The following UTP20 variants were observed in gnomAD, a reference collection of about 807,000 sequenced individuals.
The protein encoded by UTP20 is small subunit processome component 20 homolog.
In UTP20, 164 loss-of-function variants were observed where a neutral mutation model predicts 329.5. That is an observed-to-expected ratio of 0.50 (90% confidence interval 0.44 to 0.57). The LOEUF (loss-of-function observed/expected upper bound fraction) is 0.57. Among genes scored for constraint, UTP20 ranks in the 20% least tolerant of loss-of-function variants. The pLI is 0.00. For synonymous variants in UTP20, 1,151 were observed against 1,159.3 expected, an observed-to-expected ratio of 0.99 and a Z score of 0.14; for missense variants, 3,055 against 3,284.2, an observed-to-expected ratio of 0.93 and a Z score of 1.71.
At chr12:101,299,125 A>G (rs940043909) in intron 12 of UTP20, among the ~76,000 whole-genome samples, 1 of 152,334 alleles carries the variant, frequency 6.6e-6, no homozygotes, top group East Asian at 1.9e-4. Flanking sequence ...GCTAACAAGA[A>G]TAGTTAGCCT....
Position 101,317,581 on chromosome 12 carries a change from G to C in UTP20, c.2656G>C (p.Gly886Arg). The stretch of plus-strand genomic sequence containing the variant: ...GGAAATCGAAGAGGAACCTGCCGCA[G>C]GAGATGATGAAGAGTTGGAGGAAGA... ...AEEIEEEPAA[G>R]DDEELEEEAV... Residue 886 changes from glycine to arginine, a missense_variant, in exon 22 of 62, where the codon GGA becomes CGA. Gly to Arg is a moderately radical substitution (Grantham distance 125). Around this residue, in one of 3 missense-constraint regions of UTP20, gnomAD observed 2,445 missense variants for 2,575.5 expected, o/e 0.95. Transcript: ENST00000261637. 6.2e-7 allele frequency: 1 copy of C among 1,614,194 alleles called. No individual in the cohort carries two copies.
chr12:101,337,532 C>G (rs1054725248), intron 29 of UTP20, among the ~76,000 whole-genome samples: 1 of 152,202 alleles, frequency 6.6e-6, no homozygotes, highest in South Asian at 2.1e-4. Flanking sequence ...GGATTCATCC[C>G]TGTCTCCCAA....
intron 25 of UTP20, 138 bp downstream of exon 25, chr12:101,321,767 T>TG: frequency 8.8e-7 from 1 of 1,134,984 alleles, no homozygotes; most frequent in Non-Finnish European, 1.2e-6. Context: ...TCTTTGGAGA[T>TG]GGGGTCTTGC....
chr12:101,369,628 A>G (rs990673114), intron 48 of UTP20, 93 bp from the exon 49 acceptor site: 1 of 688,388 alleles, frequency 1.5e-6, no homozygotes, highest in African/African-American at 1.8e-5. Flanking sequence ...TTTATTCAGC[A>G]CAATCATTTA....
chr12:101,315,234 C>G (rs377738093), intron 21 of UTP20, among the ~76,000 whole-genome samples: 2 of 152,012 alleles, frequency 1.3e-5, no homozygotes, highest in Admixed American at 1.3e-4. Flanking sequence ...ACCTGTAATC[C>G]CAGCACTTTG....
intron 25 of UTP20, among the ~76,000 whole-genome samples, chr12:101,325,484 T>C (rs1455658719): frequency 6.6e-6 from 1 of 152,234 alleles, no homozygotes; most frequent in Non-Finnish European, 1.5e-5. Context: ...CCCTAGCACA[T>C]GAATCAAGAC....
In UTP20 at chr12:101,356,942, T is replaced by A. The variant is rs763477546; in HGVS notation, c.5551T>A (p.Cys1851Ser). ...ATTTTCTAGTATTTTGCTGAAAGTGTGTGCCCTACTCAAGAACAGAGCCCA... is the reference window on the plus strand; with the variant it reads ...ATTTTCTAGTATTTTGCTGAAAGTGAGTGCCCTACTCAAGAACAGAGCCCA... ...ANLPSILLKV[C>S]ALLKNRAQEI... The change falls in exon 43 of 62, where the codon TGT (cysteine) becomes AGT (serine). Residue 1851 changes from cysteine (C) to serine (S), a missense_variant. By Grantham distance (112) the Cys-to-Ser change is moderately radical (BLOSUM62 -1). Around this residue, in one of 3 missense-constraint regions of UTP20, gnomAD observed 2,445 missense variants for 2,575.5 expected, o/e 0.95. Transcript: ENST00000261637. 39 of 1,608,918 alleles carry A rather than the reference T, an allele frequency of 2.4e-5. No homozygotes were observed. In the South Asian group the frequency reaches 3.8e-4, roughly 16 times the overall value.
chr12:101,368,782 G>A (rs745762951), intron 48 of UTP20, among the ~76,000 whole-genome samples: 4 of 152,160 alleles, frequency 2.6e-5, no homozygotes, highest in Admixed American at 2.0e-4. Flanking sequence ...TACAGATCTA[G>A]GCTATGAACC....
chr12:101,373,975 C>T (rs1870386459), intron 54 of UTP20, among the ~76,000 whole-genome samples: 1 of 152,154 alleles, frequency 6.6e-6, no homozygotes, highest in Non-Finnish European at 1.5e-5. Flanking sequence ...GTGGCTCACG[C>T]CTGTAATCCC....
At chr12:101,310,463 G>A (rs1039840789) in intron 19 of UTP20, among the ~76,000 whole-genome samples, 2 of 151,318 alleles carry the variant, frequency 1.3e-5, no homozygotes, top group African/African-American at 2.4e-5. Context: ...TAATGCTAGC[G>A]ACTCAGGAGG....
rs1871785225 is a variant in UTP20 at position 101,281,173 on chromosome 12, G to C, written c.103G>C (p.Asp35His). Residue 35 changes from aspartate to histidine, a missense_variant, in exon 2 of 62, where the codon GAT becomes CAT. By Grantham distance (81) the Asp-to-His change is moderately conservative. This residue lies in a region of UTP20 where 2,445 missense variants were observed against 2,575.5 expected (regional missense o/e 0.95). Coordinates refer to ENST00000261637, the MANE Select transcript of UTP20 (RefSeq NM_014503.3). Reference sequence around the variant, plus strand: ...TAATATTGATATTATTCACCGGATTGATAGAACTGCAAGCTATGAGGAGGT... The same window carrying C: ...TAATATTGATATTATTCACCGGATTCATAGAACTGCAAGCTATGAGGAGGT... ...NVNIDIIHRIDRTASYEEEVE... is the reference protein window; with the variant it reads ...NVNIDIIHRIHRTASYEEEVE... The C allele has an allele frequency of 6.2e-7, 1 of 1,613,326 alleles. No homozygotes were observed. The highest frequency in any genetic ancestry group is 8.5e-7 in the Non-Finnish European group (1 of 1,179,664).
intron 15 of UTP20, among the ~76,000 whole-genome samples, chr12:101,304,199 A>G (rs1872596393): frequency 1.3e-5 from 2 of 152,174 alleles, no homozygotes; most frequent in Non-Finnish European, 2.9e-5. Context: ...TCTCTTTGCT[A>G]TGCTAGTAGA....
chr12:101,338,980 A>G (rs766149257), intron 31 of UTP20, 23 bp downstream of exon 31: 85 of 1,561,720 alleles, frequency 5.4e-5, no homozygotes, highest in South Asian at 5.1e-4. Flanking sequence ...TTGATACTTA[A>G]AAGATAACAT....
intron 14 of UTP20, among the ~76,000 whole-genome samples, chr12:101,300,350 C>T (rs1176508589): frequency 1.3e-5 from 2 of 152,166 alleles, no homozygotes; most frequent in African/African-American, 4.8e-5. Context: ...TTTTTCATCT[C>T]CCACGTACAT....
chr12:101,292,076 A>C lies in UTP20; in HGVS notation c.1145A>C (p.Glu382Ala), dbSNP rs1337455632. ...CTGGGTGAAAATGTTTCCTTGCCGG[A>C]GACCCTCATCAAAGAAACCATAGAA... ...LILGENVSLPETLIKETIEKI... is the reference protein window; with the variant it reads ...LILGENVSLPATLIKETIEKI... The change falls in exon 10 of 62, where the codon GAG becomes GCG. Residue 382 changes from glutamate to alanine, a missense_variant. Glu to Ala is a moderately radical substitution (Grantham distance 107, BLOSUM62 -1). Transcript: ENST00000261637. The C allele has an allele frequency of 6.2e-6, 10 of 1,613,610 alleles. No homozygotes were observed. Among genetic ancestry groups the C allele is most frequent in the Non-Finnish European group, 8.5e-6 (10 of 1,179,944 alleles).
rs747411596 is a variant in UTP20 at position 101,363,655 on chromosome 12, G to A, written c.5870G>A (p.Arg1957Gln). 12 of 1,613,946 alleles carry A rather than the reference G, an allele frequency of 7.4e-6. No individual in the cohort carries two copies. Among genetic ancestry groups the A allele is most frequent in the South Asian group, 4.4e-5 (4 of 91,074 alleles). ...KQILSKVMEA[R>Q]RSKSYDSYEI... ...ATCCTCTCCAAAGTCATGGAAGCAC[G>A]AAGAAGCAAAAGTTACGACTCTTAT... The change falls in exon 45 of 62, where the codon CGA becomes CAA. Residue 1957 changes from arginine to glutamine, a missense_variant. By Grantham distance (43) the Arg-to-Gln change is conservative. Transcript: ENST00000261637.
intron 35 of UTP20, 71 bp downstream of exon 35, chr12:101,343,164 C>T: frequency 9.2e-7 from 1 of 1,088,606 alleles, no homozygotes; most frequent in South Asian, 2.4e-5. Flanking sequence ...AATACAGTGA[C>T]CTGATCTTTA....
chr12:101,361,954 C>T lies in UTP20; in HGVS notation c.5692-8C>T. The T allele has an allele frequency of 6.2e-7, 1 of 1,609,986 alleles. No individual in the cohort carries two copies. Among genetic ancestry groups the T allele is most frequent in the Non-Finnish European group, 8.5e-7 (1 of 1,176,580 alleles). On this transcript the variant is annotated splice_region_variant and splice_polypyrimidine_tract_variant and intron_variant, in intron 43 of 61. Transcript: ENST00000261637. ...ATATTCATGTTGTTGCTGTGTGTCT[C>T]ATGTTAGGTCCATGTGCTGACTTTC...
chr12:101,337,928 C>T, intron 29 of UTP20, 123 bp from the exon 30 acceptor site: 4 of 864,116 alleles, frequency 4.6e-6, no homozygotes, highest in Non-Finnish European at 5.3e-6. Flanking sequence ...AAACTAATTC[C>T]CCTTTGAATA....
Sources: gnomAD v4.1 joint callset for allele counts (sites outside exome capture counted in the v4.1 genomes callset) on GRCh38, gnomAD v4.1.1 for gene constraint, gnomAD v4.1.1 regional missense constraint, MANE v1.5 for transcripts, NCBI Gene and HGNC (gene_info 2026-07-23, HGNC 2026-07-21) for gene names.